The following B3GALT1 variants were observed in gnomAD, a reference collection of about 807,000 sequenced individuals.
B3GALT1 encodes UDP-Gal:betaGlcNAc beta 1,3-galactosyltransferase, polypeptide 1.
Under a neutral mutation model 23.2 loss-of-function variants are expected in B3GALT1, and 10 were observed. The observed-to-expected ratio is 0.43, with a 90% CI of 0.27 to 0.73. The LOEUF (loss-of-function observed/expected upper bound fraction) is 0.73. B3GALT1 is among the 30% of genes least tolerant of loss of function. The probability of loss-of-function intolerance (pLI) is 0.21; values close to 1 mark genes in which losing one functional copy is unlikely to be tolerated. For synonymous variants in B3GALT1, 156 were observed against 141.5 expected, an observed-to-expected ratio of 1.10 and a Z score of -0.73; for missense variants, 299 against 405.4, an observed-to-expected ratio of 0.74 and a Z score of 2.25.
At chr2:167,470,345 A>G (rs939376692) in intron 1 of B3GALT1, among the ~76,000 whole-genome samples, 2 of 152,200 alleles carry the variant, frequency 1.3e-5, no homozygotes, top group East Asian at 1.9e-4. Flanking sequence ...TTAAGTAGAA[A>G]TAGTAGTTTT....
At chr2:167,525,042 A>G (rs930367602) in intron 2 of B3GALT1, among the ~76,000 whole-genome samples, 2 of 152,234 alleles carry the variant, frequency 1.3e-5, no homozygotes, top group African/African-American at 4.8e-5. Context: ...CATATATGCA[A>G]GAGCATCTGC....
intron 2 of B3GALT1, among the ~76,000 whole-genome samples, chr2:167,621,592 A>T (rs187600162): frequency 1.5e-4 from 23 of 152,148 alleles, no homozygotes; most frequent in African/African-American, 5.3e-4. Flanking sequence ...TTAGAAGTTG[A>T]TATGGTTTGG....
intron 2 of B3GALT1, among the ~76,000 whole-genome samples, chr2:167,609,570 A>G (rs1264623607): frequency 3.3e-5 from 5 of 152,146 alleles, no homozygotes; most frequent in African/African-American, 9.7e-5. Flanking sequence ...TGGTTGTTAC[A>G]TACTACATTG....
intron 2 of B3GALT1, among the ~76,000 whole-genome samples, chr2:167,529,162 C>G (rs1303498252): frequency 1.3e-5 from 2 of 152,030 alleles, no homozygotes; most frequent in African/African-American, 4.8e-5. Flanking sequence ...AATTTTCTGC[C>G]TATCTCCTGG....
At chr2:167,429,384 C>G (rs938838402) in intron 1 of B3GALT1, among the ~76,000 whole-genome samples, 1 of 151,810 alleles carries the variant, frequency 6.6e-6, no homozygotes, top group African/African-American at 2.4e-5. Context: ...CATTAGCATG[C>G]TAAAATTTAT....
intron 3 of B3GALT1, among the ~76,000 whole-genome samples, chr2:167,751,265 G>A (rs1231264110): frequency 6.6e-6 from 1 of 152,122 alleles, no homozygotes; most frequent in Non-Finnish European, 1.5e-5. Context: ...GGCTCCTTTG[G>A]ATACTGAGAA....
intron 3 of B3GALT1, among the ~76,000 whole-genome samples, chr2:167,726,536 T>A (rs10199851): frequency 0.2 from 30,067 of 152,096 alleles, 3,387 homozygotes; most frequent in East Asian, 0.41. Context: ...AATGTGACAA[T>A]CCTCCTATTT....
At chr2:167,862,319 G>A (rs796500183) in intron 4 of B3GALT1, among the ~76,000 whole-genome samples, 16 of 152,310 alleles carry the variant, frequency 1.1e-4, no homozygotes, top group African/African-American at 3.9e-4. Context: ...GTAAATCGCA[G>A]TCTGAGCCCA....
chr2:167,317,216 GA>G (rs1238496122), intron 1 of B3GALT1, among the ~76,000 whole-genome samples: 1 of 152,142 alleles, frequency 6.6e-6, no homozygotes, highest in Non-Finnish European at 1.5e-5. Context: ...AGCATTGATT[GA>G]AACATAAATG....
intron 1 of B3GALT1, among the ~76,000 whole-genome samples, chr2:167,359,791 G>A (rs1278020419): frequency 7.0e-6 from 1 of 143,304 alleles, no homozygotes; most frequent in Non-Finnish European, 1.5e-5. Context: ...CTAAACATTT[G>A]TCTAATTAAA....
intron 3 of B3GALT1, among the ~76,000 whole-genome samples, chr2:167,660,570 A>T (rs984879427): frequency 4.6e-5 from 7 of 152,142 alleles, no homozygotes; most frequent in African/African-American, 1.7e-4. Context: ...AGAATAACTC[A>T]TGAATGGACT....
chr2:167,770,775 G>T (rs1408182780), intron 3 of B3GALT1, among the ~76,000 whole-genome samples: 1 of 152,016 alleles, frequency 6.6e-6, no homozygotes, highest in Non-Finnish European at 1.5e-5. Flanking sequence ...TTTTAATGAG[G>T]CCAGGAAGTA....
intron 1 of B3GALT1, among the ~76,000 whole-genome samples, chr2:167,342,049 A>T (rs975470254): frequency 6.6e-6 from 1 of 152,204 alleles, no homozygotes; most frequent in Non-Finnish European, 1.5e-5. Flanking sequence ...CATAAAAATT[A>T]TATTGAGACT....
intron 4 of B3GALT1, among the ~76,000 whole-genome samples, chr2:167,831,784 G>A (rs1574287758): frequency 1.3e-5 from 2 of 152,212 alleles, no homozygotes; most frequent in South Asian, 4.1e-4. Context: ...GTCTCAGGAA[G>A]AGCCCATCAC....
chr2:167,823,762 C>A (rs1191469219), intron 4 of B3GALT1, among the ~76,000 whole-genome samples: 1 of 152,232 alleles, frequency 6.6e-6, no homozygotes. Context: ...AAACTCATCA[C>A]ACTGCTGAAT....
chr2:167,657,454 G>A (rs1273955166), intron 3 of B3GALT1, among the ~76,000 whole-genome samples: 1 of 152,016 alleles, frequency 6.6e-6, no homozygotes, highest in Non-Finnish European at 1.5e-5. Context: ...AGACACTGCC[G>A]GCATGTCCCC....
chr2:167,867,499 G>T (rs954017350), intron 4 of B3GALT1, among the ~76,000 whole-genome samples: 15 of 152,090 alleles, frequency 9.9e-5, no homozygotes, highest in African/African-American at 3.6e-4. Flanking sequence ...GTTATTGCTG[G>T]TCTCATATGG....
chr2:167,779,406 A>G (rs1337189221), intron 3 of B3GALT1, among the ~76,000 whole-genome samples: 1 of 152,220 alleles, frequency 6.6e-6, no homozygotes, highest in African/African-American at 2.4e-5. Context: ...TTTAAGGCCG[A>G]CAGATTTCTT....
At chr2:167,860,502 TA>T (rs2105430280) in intron 4 of B3GALT1, among the ~76,000 whole-genome samples, 1 of 152,320 alleles carries the variant, frequency 6.6e-6, no homozygotes, top group African/African-American at 2.4e-5. Context: ...ATCTCTATGT[TA>T]AAGCCACTTG....
Sources: allele counts gnomAD v4.1 joint callset (sites outside exome capture counted in the v4.1 genomes callset), GRCh38; gene constraint gnomAD v4.1.1; transcripts MANE v1.5; gene names NCBI Gene and HGNC (gene_info 2026-07-23, HGNC 2026-07-21).